PTGER3: variants seen among roughly 807,000 people sequenced by gnomAD.
PTGER3 encodes prostaglandin E receptor 3.
A neutral mutation model predicts 34.7 loss-of-function variants in PTGER3; 22 were observed. That is an observed-to-expected ratio of 0.63 (90% CI 0.45 to 0.91). PTGER3 has a LOEUF of 0.91. Ranked by LOEUF, PTGER3 falls within the 40% of genes least tolerant of loss-of-function variation. The probability of loss-of-function intolerance (pLI) is 0.00; values close to 1 mark genes in which losing one functional copy is unlikely to be tolerated. For missense variants in PTGER3, 468 were observed against 519.4 expected (o/e 0.90, Z 0.96); for synonymous variants, 241 against 230.1 (o/e 1.05, Z -0.43).
At chr1:70,879,237 T>TTTTG (rs1646335228) in intron 4 of PTGER3, among the ~76,000 whole-genome samples, 1 of 145,204 alleles carries the variant, frequency 6.9e-6, no homozygotes, top group African/African-American at 2.6e-5. Context: ...CTTCTGTCCT[T>TTTTG]CTTTTTGTTT....
chr1:71,034,487 T>C (rs1659660209), intron 1 of PTGER3, among the ~76,000 whole-genome samples: 1 of 152,198 alleles, frequency 6.6e-6, no homozygotes, highest in Non-Finnish European at 1.5e-5. Context: ...TGCACATGAG[T>C]TTACATTGCT....
downstream of PTGER3, among the ~76,000 whole-genome samples, chr1:70,950,463 A>T (rs1284200698): frequency 6.6e-6 from 1 of 152,192 alleles, no homozygotes; most frequent in Non-Finnish European, 1.5e-5. Context: ...GTTCCTCATA[A>T]GTAAATGACA....
chr1:70,960,741 C>T (rs1651848801), intron 2 of PTGER3, among the ~76,000 whole-genome samples: 1 of 152,130 alleles, frequency 6.6e-6, no homozygotes, highest in African/African-American at 2.4e-5. Context: ...CAAAATTAAA[C>T]TGCTCCTTAA....
chr1:70,885,155 T>C (rs572703821), intron 4 of PTGER3, among the ~76,000 whole-genome samples: 1 of 152,228 alleles, frequency 6.6e-6, no homozygotes, highest in South Asian at 2.1e-4. Context: ...GAAATAATAT[T>C]GAGATGTTTA....
chr1:70,944,852 G>A (rs990824266), intron 4 of PTGER3, among the ~76,000 whole-genome samples: 1 of 152,066 alleles, frequency 6.6e-6, no homozygotes, highest in Non-Finnish European at 1.5e-5. Context: ...TAGGTAAAAA[G>A]GGTTTTGGGT....
Position 70,983,023 on chromosome 1 carries a change from C to A in PTGER3, c.1078-8635G>T, listed in dbSNP as rs536173890. Among the ~76,000 whole-genome samples, 6 of 152,026 alleles carry A rather than the reference C, an allele frequency of 3.9e-5. No individual in the cohort carries two copies. The East Asian group carries it at 9.7e-4, about 25-fold the overall frequency. On this transcript the variant is annotated intron_variant, in intron 2 of 3. Coordinates refer to ENST00000306666, the MANE Select transcript of PTGER3 (RefSeq NM_198719.2). ...GCTAAACAACTAAGTGAATAAGGAG[C>A]TTTATGAGGGTGAAGCTTTGAAGAA...
intron 4 of PTGER3, among the ~76,000 whole-genome samples, chr1:70,905,604 G>T (rs1238333944): frequency 6.6e-6 from 1 of 152,028 alleles, no homozygotes; most frequent in Non-Finnish European, 1.5e-5. Flanking sequence ...ACTTGTATGG[G>T]GCCTGTAACC....
In PTGER3 at chr1:70,872,592, A is replaced by G. The variant is rs374741246; in HGVS notation, c.*24-19733T>C. Among the ~76,000 whole-genome samples, 9 of 152,356 alleles carry G rather than the reference A, an allele frequency of 5.9e-5. No homozygotes were observed. The East Asian group carries it at 1.3e-3, about 23-fold the overall frequency. On this transcript the variant is annotated intron_variant, in intron 4 of 4. Transcript: ENST00000370931. ...AAGTAAGACTTGGAGAAATTAAGTA[A>G]GATGACCAAAAGTTAAGTCAGACCT... is the stretch of plus-strand genomic sequence containing the variant.
At chr1:70,924,593 A>G (rs1333547736) in intron 4 of PTGER3, among the ~76,000 whole-genome samples, 2 of 152,140 alleles carry the variant, frequency 1.3e-5, no homozygotes, top group South Asian at 2.1e-4. Context: ...CAGTTGCCCC[A>G]TTCATGGAAA....
intron 4 of PTGER3, among the ~76,000 whole-genome samples, chr1:70,894,701 G>T (rs544297610): frequency 3.3e-5 from 5 of 152,254 alleles, no homozygotes; most frequent in African/African-American, 1.2e-4. Context: ...TTTACTGTTT[G>T]CTTCTTGAAA....
At chr1:71,023,209 A>C (rs1658582221) in intron 1 of PTGER3, among the ~76,000 whole-genome samples, 2 of 151,860 alleles carry the variant, frequency 1.3e-5, no homozygotes, top group South Asian at 4.1e-4. Flanking sequence ...GGCCACCAAC[A>C]AGGTTGCAGA....
chr1:70,880,813 C>T (rs187828715), intron 4 of PTGER3, among the ~76,000 whole-genome samples: 4 of 152,142 alleles, frequency 2.6e-5, no homozygotes, highest in Admixed American at 2.6e-4. Context: ...GTGACCTTCC[C>T]CTTCTCTCTA....
chr1:71,020,915 C>T (rs962716273), intron 1 of PTGER3, among the ~76,000 whole-genome samples: 4 of 152,080 alleles, frequency 2.6e-5, no homozygotes, highest in South Asian at 2.1e-4. Context: ...TACTGTGTAT[C>T]GTCTCCAACT....
intron 1 of PTGER3, among the ~76,000 whole-genome samples, chr1:71,045,330 T>C (rs905312603): frequency 1.3e-5 from 2 of 152,216 alleles, no homozygotes; most frequent in Admixed American, 1.3e-4. Context: ...ATAATAATGG[T>C]TAAAATACTG....
At chr1:70,997,840 G>T (rs893421509) in intron 2 of PTGER3, among the ~76,000 whole-genome samples, 1 of 152,206 alleles carries the variant, frequency 6.6e-6, no homozygotes, top group African/African-American at 2.4e-5. Flanking sequence ...TGTAGCCATA[G>T]TATGACTGTT....
chr1:70,908,339 T>C (rs777434566), intron 4 of PTGER3, among the ~76,000 whole-genome samples: 3 of 152,164 alleles, frequency 2.0e-5, no homozygotes, highest in Non-Finnish European at 4.4e-5. Flanking sequence ...TTCCCAGTGC[T>C]CTAATCTGGA....
chr1:70,868,767 A>G (rs1210809195), intron 4 of PTGER3, among the ~76,000 whole-genome samples: 2 of 152,336 alleles, frequency 1.3e-5, no homozygotes, highest in Middle Eastern at 3.4e-3. Flanking sequence ...TCCAATCATC[A>G]TCAGAAGAAT....
intron 2 of PTGER3, among the ~76,000 whole-genome samples, chr1:71,001,829 T>C (rs2100815787): frequency 6.6e-6 from 1 of 152,360 alleles, no homozygotes; most frequent in African/African-American, 2.4e-5. Context: ...TTCTGGTGAA[T>C]GTGCGATTGC....
At chr1:70,872,558 A>G (rs1295414594) in intron 4 of PTGER3, among the ~76,000 whole-genome samples, 1 of 152,238 alleles carries the variant, frequency 6.6e-6, no homozygotes, top group Non-Finnish European at 1.5e-5. Context: ...CTCCATTTAC[A>G]GATGACAGAA....
Sources: gnomAD v4.1 joint callset for allele counts (sites outside exome capture counted in the v4.1 genomes callset) on GRCh38, gnomAD v4.1.1 for gene constraint, MANE v1.5 for transcripts, NCBI Gene and HGNC (gene_info 2026-07-23, HGNC 2026-07-21) for gene names.